The following LYRM4 variants were observed in gnomAD, a reference collection of about 807,000 sequenced individuals.
The protein encoded by LYRM4 is LYR motif-containing protein 4.
Under a neutral mutation model 11.7 loss-of-function variants are expected in LYRM4, and 9 were observed. That is an observed-to-expected ratio of 0.77 (90% CI 0.46 to 1.34). The LOEUF (loss-of-function observed/expected upper bound fraction) is 1.34. Ranked by LOEUF, LYRM4 falls within the 40% of genes most tolerant of loss-of-function variation. The probability of loss-of-function intolerance (pLI) is 0.00; values close to 1 mark genes in which losing one functional copy is unlikely to be tolerated. For synonymous variants in LYRM4, 42 were observed against 40.4 expected (o/e 1.04, Z -0.15); for missense variants, 133 against 112.5 (o/e 1.18, Z -0.82).
intron 2 of LYRM4, among the ~76,000 whole-genome samples, chr6:5,187,724 G>GCA (rs1049359361): frequency 3.3e-4 from 50 of 152,080 alleles, no homozygotes; most frequent in African/African-American, 1.1e-3. Flanking sequence ...TGCACGTTGT[G>GCA]CACATGTACC....
At chr6:5,136,857 A>G in intron 2 of LYRM4, 1 of 976,474 alleles carries the variant, frequency 1.0e-6, no homozygotes, top group Non-Finnish European at 1.2e-6. Context: ...TAATTCATAC[A>G]CCATCAAATC....
chr6:5,079,584 G>GT, the LYRM4 span, among the ~76,000 whole-genome samples: 1 of 152,230 alleles, frequency 6.6e-6, no homozygotes, highest in Non-Finnish European at 1.5e-5. Context: ...AGCTGACTTG[G>GT]TGGATGTGAA....
At chr6:5,041,670 G>GT in the LYRM4 span, among the ~76,000 whole-genome samples, 4 of 152,098 alleles carry the variant, frequency 2.6e-5, no homozygotes, top group East Asian at 1.9e-4. Context: ...AGATATCTGG[G>GT]TTTTTTTCCC....
chr6:5,260,212 G>A (rs1454959305), intron 1 of LYRM4, among the ~76,000 whole-genome samples: 1 of 152,182 alleles, frequency 6.6e-6, no homozygotes, highest in Non-Finnish European at 1.5e-5. Flanking sequence ...GTGCTAGAGT[G>A]TGCCTTCAGC....
the LYRM4 span, chr6:5,066,221 G>T: frequency 2.8e-6 from 2 of 720,238 alleles, no homozygotes; most frequent in Non-Finnish European, 5.1e-6. Flanking sequence ...CAAGCTACTT[G>T]CCAGATAACA....
At chr6:5,168,280 C>G (rs1759209629) in intron 2 of LYRM4, among the ~76,000 whole-genome samples, 1 of 152,148 alleles carries the variant, frequency 6.6e-6, no homozygotes, top group Non-Finnish European at 1.5e-5. Context: ...GGCAAAACTG[C>G]TGCAGAACAG....
At chr6:5,167,585 C>T (rs965229241) in intron 2 of LYRM4, among the ~76,000 whole-genome samples, 8 of 152,142 alleles carry the variant, frequency 5.3e-5, no homozygotes, top group Admixed American at 3.9e-4. Flanking sequence ...CGATAAAACC[C>T]CTGTCCGATG....
intron 2 of LYRM4, among the ~76,000 whole-genome samples, chr6:5,184,985 A>T (rs1760299519): frequency 6.6e-6 from 1 of 152,170 alleles, no homozygotes; most frequent in Non-Finnish European, 1.5e-5. Flanking sequence ...CTCTGCTTCT[A>T]GTCACTTATG....
chr6:5,134,500 A>T (rs1764097925), intron 2 of LYRM4, among the ~76,000 whole-genome samples: 1 of 152,252 alleles, frequency 6.6e-6, no homozygotes, highest in East Asian at 1.9e-4. Context: ...GATATTAAGG[A>T]ATTAGCATTA....
chr6:5,096,876 A>T, the LYRM4 span, among the ~76,000 whole-genome samples: 1 of 152,202 alleles, frequency 6.6e-6, no homozygotes, highest in Non-Finnish European at 1.5e-5. Flanking sequence ...CTCCAGCTGA[A>T]TGTAGGAAGC....
the LYRM4 span, among the ~76,000 whole-genome samples, chr6:5,048,158 T>C: frequency 1.6e-3 from 251 of 152,354 alleles, 1 homozygote; most frequent in African/African-American, 4.7e-3. Flanking sequence ...ATATAGATGA[T>C]AGATTAAAAT....
At chr6:5,040,483 C>T in the LYRM4 span, among the ~76,000 whole-genome samples, 1 of 150,450 alleles carries the variant, frequency 6.6e-6, no homozygotes, top group Non-Finnish European at 1.5e-5. Context: ...GGGAAGATTG[C>T]TTGAGCTCAG....
chr6:5,070,843 C>G, the LYRM4 span, among the ~76,000 whole-genome samples: 5 of 138,798 alleles, frequency 3.6e-5, no homozygotes, highest in Non-Finnish European at 6.1e-5. Flanking sequence ...TGCACTGCAG[C>G]CTGGGTGACA....
chr6:5,158,833 T>A (rs1758575157), intron 2 of LYRM4, among the ~76,000 whole-genome samples: 1 of 152,166 alleles, frequency 6.6e-6, no homozygotes, highest in African/African-American at 2.4e-5. Context: ...AGCCATTGCC[T>A]TTGCCAGGCT....
chr6:5,075,091 C>T, the LYRM4 span, among the ~76,000 whole-genome samples: 446 of 152,232 alleles, frequency 2.9e-3, 3 homozygotes, highest in African/African-American at 9.8e-3. Flanking sequence ...CTTCACCTTC[C>T]GCCATGATTG....
rs140285176 is a variant in LYRM4, at chr6:5,182,303, T to C, written c.207+34315A>G. Among the ~76,000 whole-genome samples the C allele has an allele frequency of 4.9e-4, 74 of 152,368 alleles. 1 individual carries two copies. The East Asian group carries it at 6.2e-3, about 13-fold the overall frequency. The stretch of plus-strand genomic sequence containing the variant: ...TTTGAAATAGGTGGAATTGTAAATG[T>C]AGTAACTGGTTTTGTAATGACTATT... On this transcript the variant is annotated intron_variant, in intron 2 of 2. Coordinates refer to ENST00000330636, the MANE Select transcript of LYRM4 (RefSeq NM_020408.6).
At chr6:5,151,707 T>C (rs1758098891) in intron 2 of LYRM4, among the ~76,000 whole-genome samples, 1 of 152,248 alleles carries the variant, frequency 6.6e-6, no homozygotes, top group Admixed American at 6.5e-5. Context: ...GCTGCATGAC[T>C]AGGGGCAGAT....
rs556436745 is a variant in LYRM4 at position 5,223,924 on chromosome 6, C to T, written c.87-7186G>A. On this transcript the variant is annotated intron_variant, in intron 1 of 2. Coordinates refer to ENST00000330636, the MANE Select transcript of LYRM4 (RefSeq NM_020408.6). Reference sequence around the variant, plus strand: ...ATGGTTTTCCATTATCTTGAGATAACGGTCAACTGCATCGGCATGGATGGC... The same window carrying T: ...ATGGTTTTCCATTATCTTGAGATAATGGTCAACTGCATCGGCATGGATGGC... Among the ~76,000 whole-genome samples the T allele has an allele frequency of 4.6e-5, 7 of 152,304 alleles. No individual in the cohort carries two copies. In the South Asian group the frequency reaches 1.0e-3, roughly 23 times the overall value.
chr6:5,060,582 T>G, the LYRM4 span, among the ~76,000 whole-genome samples: 1 of 151,794 alleles, frequency 6.6e-6, no homozygotes, highest in African/African-American at 2.4e-5. Context: ...AGCACTCCCA[T>G]AGAAAACTCA....
Sources: allele counts gnomAD v4.1 joint callset (sites outside exome capture counted in the v4.1 genomes callset), GRCh38; gene constraint gnomAD v4.1.1; transcripts MANE v1.5; gene names NCBI Gene and HGNC (gene_info 2026-07-23, HGNC 2026-07-21).